The following DPP10 variants were observed in gnomAD, a reference collection of about 807,000 sequenced individuals.
DPP10 encodes the protein dipeptidyl peptidase like 10.
DPP10 carries 33 observed loss-of-function variants against 120.9 expected under a neutral mutation model. The ratio of observed to expected loss-of-function variants is 0.27; its 90% confidence interval spans 0.21 to 0.37. The LOEUF is 0.37. DPP10 is among the 10% of genes least tolerant of loss of function. DPP10 has a pLI of 1.00. For missense variants in DPP10, 816 were observed against 942.8 expected (o/e 0.87, Z 1.76); for synonymous variants, 337 against 326.1 (o/e 1.03, Z -0.36).
At chr2:115,423,205 A>G (rs1271384842) in intron 3 of DPP10, among the ~76,000 whole-genome samples, 1 of 152,130 alleles carries the variant, frequency 6.6e-6, no homozygotes, top group Non-Finnish European at 1.5e-5. Context: ...TAACGAATAT[A>G]TAAGAATGAC....
chr2:114,995,682 G>A (rs1169257725), intron 1 of DPP10, among the ~76,000 whole-genome samples: 3 of 152,138 alleles, frequency 2.0e-5, no homozygotes, highest in South Asian at 2.1e-4. Context: ...AATTGTGCCC[G>A]GTTTTAGAGT....
At chr2:115,549,280 A>G (rs1208088129) in intron 5 of DPP10, among the ~76,000 whole-genome samples, 2 of 151,974 alleles carry the variant, frequency 1.3e-5, no homozygotes, top group African/African-American at 2.4e-5. Flanking sequence ...TATTTTCTAT[A>G]TCTGTGCTGT....
In DPP10 at chr2:115,340,516, A is replaced by G. The variant is rs903073741; in HGVS notation, c.176-3301A>G. ...ATATTATATATAGTGTTATTTTAATAAAATTTCTATTTGAGTTGTAATATG... is the reference window on the plus strand; with the variant it reads ...ATATTATATATAGTGTTATTTTAATGAAATTTCTATTTGAGTTGTAATATG... On this transcript the variant is annotated intron_variant, in intron 2 of 25. Transcript: ENST00000410059. 9.9e-5 allele frequency among the ~76,000 whole-genome samples: 15 copies of G among 152,092 alleles called. No individual in the cohort carries two copies. In the South Asian group the frequency reaches 2.3e-3, roughly 23 times the overall value.
chr2:114,686,472 G>T (rs1470261505), intron 1 of DPP10, among the ~76,000 whole-genome samples: 3 of 151,788 alleles, frequency 2.0e-5, no homozygotes, highest in Non-Finnish European at 4.4e-5. Flanking sequence ...GATGTAAAGA[G>T]CTAAAACTGA....
chr2:114,927,543 T>G (rs949010143), intron 1 of DPP10, among the ~76,000 whole-genome samples: 6 of 152,066 alleles, frequency 3.9e-5, no homozygotes, highest in Non-Finnish European at 8.8e-5. Context: ...GTTGCATTCC[T>G]TTGTGTTTCT....
intron 1 of DPP10, chr2:115,064,474 G>A (rs1055798122): frequency 6.2e-4 from 164 of 264,478 alleles, no homozygotes; most frequent in African/African-American, 3.4e-3. Context: ...TGTGCCCAAA[G>A]GAGACAGAGA....
At chr2:114,793,354 G>A (rs2106247170) in intron 1 of DPP10, among the ~76,000 whole-genome samples, 1 of 151,974 alleles carries the variant, frequency 6.6e-6, no homozygotes, top group East Asian at 1.9e-4. Context: ...GTGTCCATGT[G>A]TTCTCATTGT....
chr2:115,143,522 T>C (rs1180903818), intron 1 of DPP10, among the ~76,000 whole-genome samples: 2 of 152,328 alleles, frequency 1.3e-5, no homozygotes, highest in East Asian at 3.9e-4. Flanking sequence ...GTGGATGACT[T>C]ACTATCCAAG....
intron 1 of DPP10, among the ~76,000 whole-genome samples, chr2:114,738,254 C>CATATCAGT: frequency 6.6e-6 from 1 of 152,276 alleles, no homozygotes; most frequent in East Asian, 1.9e-4. Flanking sequence ...GGAGCCAAAT[C>CATATCAGT]ATATCAGTAC....
intron 1 of DPP10, among the ~76,000 whole-genome samples, chr2:115,251,642 G>T (rs1010157943): frequency 6.6e-6 from 1 of 152,124 alleles, no homozygotes; most frequent in Non-Finnish European, 1.5e-5. Flanking sequence ...ATGTGAAAAA[G>T]AATTATTTGC....
intron 1 of DPP10, among the ~76,000 whole-genome samples, chr2:115,022,011 A>G (rs888647185): frequency 2.0e-5 from 3 of 152,116 alleles, no homozygotes; most frequent in African/African-American, 7.2e-5. Flanking sequence ...AATAGGACAT[A>G]TAATAAGGTA....
At chr2:114,686,852 G>A (rs1266956696) in intron 1 of DPP10, among the ~76,000 whole-genome samples, 1 of 151,824 alleles carries the variant, frequency 6.6e-6, no homozygotes, top group East Asian at 2.0e-4. Context: ...TATCACACAT[G>A]CATTCATCCT....
intron 1 of DPP10, among the ~76,000 whole-genome samples, chr2:115,099,047 G>T (rs1356780426): frequency 1.3e-5 from 2 of 151,576 alleles, no homozygotes; most frequent in Non-Finnish European, 2.9e-5. Context: ...CACTTTGGGA[G>T]GCCAAGGCGG....
At chr2:115,436,448 C>A (rs2071503333) in intron 3 of DPP10, among the ~76,000 whole-genome samples, 1 of 151,244 alleles carries the variant, frequency 6.6e-6, no homozygotes, top group South Asian at 2.1e-4. Flanking sequence ...AAGTGTTATA[C>A]TGAAATACTT....
At chr2:114,651,720 T>A (rs578147964) in intron 1 of DPP10, among the ~76,000 whole-genome samples, 3 of 152,054 alleles carry the variant, frequency 2.0e-5, no homozygotes, top group Non-Finnish European at 4.4e-5. Flanking sequence ...ACTTTTCTCA[T>A]GAAAAGAAAA....
At chr2:115,504,611 T>C (rs2148811275) in intron 4 of DPP10, among the ~76,000 whole-genome samples, 1 of 152,272 alleles carries the variant, frequency 6.6e-6, no homozygotes, top group South Asian at 2.1e-4. Flanking sequence ...TCCAATTCAG[T>C]CATCAAAATA....
At chr2:115,183,011 G>GCACACA (rs34612528) in intron 1 of DPP10, among the ~76,000 whole-genome samples, 1 of 150,292 alleles carries the variant, frequency 6.7e-6, no homozygotes, top group Non-Finnish European at 1.5e-5. Context: ...ATATTTACAC[G>GCACACA]CACACACACA....
At chr2:115,752,010 G>A (rs2149744624) in intron 10 of DPP10, among the ~76,000 whole-genome samples, 1 of 152,122 alleles carries the variant, frequency 6.6e-6, no homozygotes, top group African/African-American at 2.4e-5. Flanking sequence ...ATGTTAGCCA[G>A]GATGGTCTCC....
At chr2:114,903,527 T>C (rs1330693941) in intron 1 of DPP10, among the ~76,000 whole-genome samples, 1 of 152,226 alleles carries the variant, frequency 6.6e-6, no homozygotes, top group Non-Finnish European at 1.5e-5. Flanking sequence ...GTTTTCCTGA[T>C]GAGATATGAT....
Sources: allele counts gnomAD v4.1 joint callset (sites outside exome capture counted in the v4.1 genomes callset), GRCh38; gene constraint gnomAD v4.1.1; transcripts MANE v1.5; gene names NCBI Gene and HGNC (gene_info 2026-07-23, HGNC 2026-07-21).